Variants in GFOD1 observed in about 807,000 individuals in gnomAD.
GFOD1 encodes the protein Gfo/Idh/MocA-like oxidoreductase domain containing 1.
Under a neutral mutation model 25.4 loss-of-function variants are expected in GFOD1, and 9 were observed. That is an observed-to-expected ratio of 0.35 (90% CI 0.21 to 0.62). The LOEUF is 0.62. Ranked by LOEUF, GFOD1 falls within the 20% of genes least tolerant of loss-of-function variation. GFOD1 has a pLI of 0.72. For synonymous variants in GFOD1, 253 were observed against 245.6 expected, an observed-to-expected ratio of 1.03 and a Z score of -0.28; for missense variants, 403 against 556.9, an observed-to-expected ratio of 0.72 and a Z score of 2.78.
At chr6:13,470,540 G>A in intron 1 of GFOD1, 2 of 1,547,186 alleles carry the variant, frequency 1.3e-6, no homozygotes, top group African/African-American at 1.4e-5. Flanking sequence ...GTGCTGGAGG[G>A]AGCAGAAGCT....
chr6:13,474,482 C>A (rs540470985), intron 1 of GFOD1, among the ~76,000 whole-genome samples: 1 of 152,250 alleles, frequency 6.6e-6, no homozygotes, highest in South Asian at 2.1e-4. Context: ...GGTGATCGAC[C>A]CTTAATCCAA....
chr6:13,420,337 G>A (rs1786234863), intron 1 of GFOD1, among the ~76,000 whole-genome samples: 1 of 152,168 alleles, frequency 6.6e-6, no homozygotes, highest in Non-Finnish European at 1.5e-5. Flanking sequence ...GAGGGCGAGG[G>A]AACAGCAGTC....
Position 13,360,793 on chromosome 6 carries a change from C to T in GFOD1, c.*3950G>A, listed in dbSNP as rs1360366793. On this transcript the variant is annotated 3_prime_UTR_variant, in exon 2 of 2. Transcript: ENST00000379287. ...AGGTTAGTCCATGCTTGTCACAGTC[C>T]TTCCTGGGTGTGAGAGCAGACCCCG... 2.2e-6 allele frequency: 1 copy of T among 456,698 alleles called. No individual in the cohort carries two copies. Among genetic ancestry groups the T allele is most frequent in the Admixed American group, 2.3e-5 (1 of 42,586 alleles). 28.3% of individuals were successfully genotyped at this position (456,698 alleles called of 1,614,324 possible).
At chr6:13,409,240 GAGAA>G (rs373447777) in intron 1 of GFOD1, among the ~76,000 whole-genome samples, 6,030 of 126,660 alleles carry the variant, frequency 0.048, 809 homozygotes, top group African/African-American at 0.15. Flanking sequence ...GAAGGAAGGA[GAGAA>G]AGAGAGAAAG....
At position 13,435,133 on chromosome 6, in the gene GFOD1, G is replaced by A. The variant is rs149151473; in HGVS notation, c.253+51505C>T. Among the ~76,000 whole-genome samples, 107 of 152,276 alleles carry A rather than the reference G, an allele frequency of 7.0e-4. 1 individual carries two copies. The highest frequency in any genetic ancestry group is 2.3e-3 in the African/African-American group (95 of 41,556). ...ACTGCAGCCTTGAGCTACAACTGCC[G>A]TCTCTATTTACCTACCCGGGAACAG... On this transcript the variant is annotated intron_variant, in intron 1 of 1. Transcript: ENST00000379287.
chr6:13,368,474 C>T (rs557877302), intron 1 of GFOD1, among the ~76,000 whole-genome samples: 12 of 152,328 alleles, frequency 7.9e-5, no homozygotes, highest in African/African-American at 2.9e-4. Context: ...TAAGGCTCAT[C>T]TAACACCAGC....
At chr6:13,376,378 G>A (rs1425507869) in intron 1 of GFOD1, among the ~76,000 whole-genome samples, 2 of 152,064 alleles carry the variant, frequency 1.3e-5, no homozygotes, top group African/African-American at 2.4e-5. Flanking sequence ...CTCGGTGGTC[G>A]CTATTCTAGA....
chr6:13,367,642 G>A (rs1266517979), intron 1 of GFOD1, among the ~76,000 whole-genome samples: 1 of 151,908 alleles, frequency 6.6e-6, no homozygotes, highest in African/African-American at 2.4e-5. Context: ...GAAAACAAAG[G>A]ATCAAAGGAA....
rs755683671 is a variant in GFOD1 at position 13,475,025 on chromosome 6, C to A, written c.253+11613G>T. 3.3e-5 allele frequency among the ~76,000 whole-genome samples: 5 copies of A among 152,310 alleles called. 1 individual carries two copies. In the East Asian group the frequency reaches 9.6e-4, roughly 29 times the overall value. On this transcript the variant is annotated intron_variant, in intron 1 of 1. Coordinates refer to ENST00000379287, the MANE Select transcript of GFOD1 (RefSeq NM_018988.4). ...TATGAAACCAAAAACAAAAACTCTA[C>A]GCCTTCCCCCAAGTGAAGTCTGCTA...
rs139908482 is a variant in GFOD1 at position 13,384,818 on chromosome 6, C to T, written c.254-19156G>A. Among the ~76,000 whole-genome samples the T allele has an allele frequency of 2.8e-4, 42 of 152,304 alleles. 1 individual carries two copies. The East Asian group carries it at 3.5e-3, about 13-fold the overall frequency. On this transcript the variant is annotated intron_variant, in intron 1 of 1. Coordinates refer to ENST00000379287, the MANE Select transcript of GFOD1 (RefSeq NM_018988.4). ...TCAATTGCCTCTTAAAGGGCTTTTG[C>T]GTACAAATGAAGATAGAAAATTTAG...
intron 1 of GFOD1, among the ~76,000 whole-genome samples, chr6:13,369,663 A>G (rs1785110626): frequency 6.6e-6 from 1 of 152,218 alleles, no homozygotes; most frequent in African/African-American, 2.4e-5. Context: ...CTGTCTCAAA[A>G]CAAAAAACAA....
At chr6:13,475,587 G>C (rs1358862927) in intron 1 of GFOD1, among the ~76,000 whole-genome samples, 1 of 151,454 alleles carries the variant, frequency 6.6e-6, no homozygotes, top group African/African-American at 2.4e-5. Context: ...GTGTGGTGAC[G>C]GATGCCTGTA....
At chr6:13,473,218 A>C (rs1317220937) in intron 1 of GFOD1, among the ~76,000 whole-genome samples, 1 of 152,166 alleles carries the variant, frequency 6.6e-6, no homozygotes, top group Non-Finnish European at 1.5e-5. Flanking sequence ...TTGCACCATC[A>C]GGTCTCAACT....
At chr6:13,406,713 G>A (rs980570625) in intron 1 of GFOD1, among the ~76,000 whole-genome samples, 5 of 152,108 alleles carry the variant, frequency 3.3e-5, no homozygotes, top group Non-Finnish European at 5.9e-5. Flanking sequence ...CTGAAACTGG[G>A]GTTTAAGAAA....
chr6:13,405,965 A>G lies in GFOD1; in HGVS notation c.254-40303T>C, dbSNP rs558533918. Among the ~76,000 whole-genome samples the G allele has an allele frequency of 9.9e-5, 15 of 152,270 alleles. No homozygotes were observed. In the East Asian group the frequency reaches 2.9e-3, roughly 29 times the overall value. ...CCAGGGCCAGGAGGAGCCTGGGGAC[A>G]TTGGCAAGGATCTTCCTTTCACTCT... On this transcript the variant is annotated intron_variant, in intron 1 of 1. Transcript: ENST00000379287.
chr6:13,444,165 A>C (rs1351620220), intron 1 of GFOD1, among the ~76,000 whole-genome samples: 2 of 152,202 alleles, frequency 1.3e-5, no homozygotes, highest in African/African-American at 4.8e-5. Context: ...ACACCATGGA[A>C]TACTATGCAG....
At chr6:13,409,252 AAGAG>A (rs201175452) in intron 1 of GFOD1, among the ~76,000 whole-genome samples, 25,224 of 122,498 alleles carry the variant, frequency 0.21, 6,644 homozygotes, top group East Asian at 0.42. Context: ...GAAAGAGAGA[AAGAG>A]AGAGAGAGAG....
At chr6:13,407,860 T>A (rs746659688) in intron 1 of GFOD1, 4 of 541,446 alleles carry the variant, frequency 7.4e-6, no homozygotes, top group Admixed American at 6.4e-5. Context: ...TAGACGGTGA[T>A]GAAATAAATA....
At chr6:13,394,230 G>A (rs891917191) in intron 1 of GFOD1, among the ~76,000 whole-genome samples, 2 of 152,064 alleles carry the variant, frequency 1.3e-5, no homozygotes, top group Admixed American at 1.3e-4. Context: ...AAATGAGAAA[G>A]TTCTTCATGT....
Sources: gnomAD v4.1 joint callset for allele counts (sites outside exome capture counted in the v4.1 genomes callset) on GRCh38, gnomAD v4.1.1 for gene constraint, MANE v1.5 for transcripts, NCBI Gene and HGNC (gene_info 2026-07-23, HGNC 2026-07-21) for gene names.